BSDC1: variants seen among roughly 807,000 people sequenced by gnomAD.
BSDC1 encodes BSD domain containing 1.
A neutral mutation model predicts 56.0 loss-of-function variants in BSDC1; 29 were observed. The observed-to-expected ratio is 0.52, with a 90% CI of 0.39 to 0.71. The LOEUF (loss-of-function observed/expected upper bound fraction) is 0.71, where lower values mean the gene tolerates loss of function less well. Among genes scored for constraint, BSDC1 ranks in the 30% least tolerant of loss-of-function variants. The pLI, the probability that BSDC1 is intolerant of heterozygous loss-of-function variation, is 0.00. For synonymous variants in BSDC1, 210 were observed against 215.3 expected, an observed-to-expected ratio of 0.98 and a Z score of 0.21; for missense variants, 477 against 548.5, an observed-to-expected ratio of 0.87 and a Z score of 1.30.
rs1238152312 is a variant in BSDC1, at chr1:32,368,500, T to C, written c.1207A>G (p.Met403Val). The change falls in exon 10 of 11, where the codon ATG (methionine) becomes GTG (valine). Residue 403 changes from methionine (M) to valine (V), a missense_variant. Transcript: ENST00000455895. ...EDWEKDFDLD[M>V]TEEEVQMALS... ...GCCATCTGCACCTCCTCTTCAGTCATGTCCAAGTCAAAGTCTTTCTCCCAG... is the reference window on the plus strand; with the variant it reads ...GCCATCTGCACCTCCTCTTCAGTCACGTCCAAGTCAAAGTCTTTCTCCCAG... 4 of 1,614,152 alleles carry C rather than the reference T, an allele frequency of 2.5e-6. No homozygotes were observed. Among genetic ancestry groups the C allele is most frequent in the Non-Finnish European group, 8.5e-7 (1 of 1,180,020 alleles).
At chr1:32,377,111 G>A (rs193196309) in intron 8 of BSDC1, among the ~76,000 whole-genome samples, 30 of 152,246 alleles carry the variant, frequency 2.0e-4, no homozygotes, top group South Asian at 8.3e-4. Flanking sequence ...ACTCCAGCCT[G>A]GATGACAGAG....
intron 9 of BSDC1, among the ~76,000 whole-genome samples, chr1:32,370,934 A>T (rs753454875): frequency 7.2e-5 from 11 of 152,070 alleles, no homozygotes; most frequent in Non-Finnish European, 1.5e-4. Context: ...AAAAAGCCTA[A>T]AATATTTATG....
At chr1:32,383,378 C>T (rs910242852) in intron 4 of BSDC1, among the ~76,000 whole-genome samples, 6 of 150,886 alleles carry the variant, frequency 4.0e-5, no homozygotes, top group East Asian at 3.9e-4. Flanking sequence ...CCTGGAAAGT[C>T]GGGGCTGCAA....
chr1:32,388,864 C>T (rs1462754275), intron 2 of BSDC1, among the ~76,000 whole-genome samples: 1 of 152,172 alleles, frequency 6.6e-6, no homozygotes, highest in African/African-American at 2.4e-5. Context: ...CCTGTTCATC[C>T]TCAACGTCTA....
At chr1:32,375,016 A>G (rs1432343486) in intron 9 of BSDC1, among the ~76,000 whole-genome samples, 1 of 152,078 alleles carries the variant, frequency 6.6e-6, no homozygotes, top group Non-Finnish European at 1.5e-5. Context: ...GCCGGGCATG[A>G]TAGCATGCGC....
At chr1:32,366,750 C>T in intron 10 of BSDC1, 96 bp from the exon 11 acceptor site, 1 of 1,439,800 alleles carries the variant, frequency 6.9e-7, no homozygotes, top group South Asian at 1.5e-5. Flanking sequence ...AGCCACCTCC[C>T]ATCCCCTACC....
intron 8 of BSDC1, among the ~76,000 whole-genome samples, chr1:32,377,634 A>T (rs1012656804): frequency 6.6e-6 from 1 of 152,176 alleles, no homozygotes; most frequent in African/African-American, 2.4e-5. Context: ...TGTTTAAAAT[A>T]CATGTCTGGC....
At chr1:32,373,522 T>G (rs916085023) in intron 9 of BSDC1, among the ~76,000 whole-genome samples, 1 of 152,156 alleles carries the variant, frequency 6.6e-6, no homozygotes, top group African/African-American at 2.4e-5. Context: ...ATACTTTCTT[T>G]TCTTTCCTAT....
At chr1:32,376,781 C>T (rs766323434) in intron 8 of BSDC1, 40 bp from the exon 9 acceptor site, 4 of 1,332,786 alleles carry the variant, frequency 3.0e-6, no homozygotes, top group South Asian at 2.8e-5. Flanking sequence ...GGAAATGTAA[C>T]CTGGCCAGCC....
At chr1:32,384,117 G>A (rs956598633) in intron 3 of BSDC1, 120 bp from the exon 4 acceptor site, 51 of 1,391,418 alleles carry the variant, frequency 3.7e-5, no homozygotes, top group African/African-American at 8.5e-5. Context: ...AAGCGCTCAC[G>A]ACCCTTCACC....
At chr1:32,388,945 CTTCTTTTTT>C (rs951291351) in intron 2 of BSDC1, among the ~76,000 whole-genome samples, 6 of 151,462 alleles carry the variant, frequency 4.0e-5, no homozygotes, top group Non-Finnish European at 5.9e-5. Flanking sequence ...TTTATCTCTT[CTTCTTTTTT>C]TTCTTTTTTT....
rs1286233921 is a variant in BSDC1 at position 32,381,257 on chromosome 1, A to C, written c.369T>G (p.Tyr123Ter). 1 of 1,613,508 alleles carries C rather than the reference A, an allele frequency of 6.2e-7. No homozygotes were observed. The highest frequency in any genetic ancestry group is 8.5e-7 in the Non-Finnish European group (1 of 1,179,768). The change falls in exon 5 of 11, where the codon TAT becomes TAG. Residue 123 changes from tyrosine to a stop codon, truncating the protein, a stop_gained. Transcript: ENST00000455895. LOFTEE classifies it high-confidence loss of function. ...AGGTTGCTGGGTCCGACTGCAGGCT[A>C]TAGAGGCGAGCCTGTAAGAAAAGGA... Reference protein sequence around the residue: ...EPYDGTKARLYSLQSDPATYC... With the variant: ...EPYDGTKARL
At chr1:32,370,895 G>A (rs548829505) in intron 9 of BSDC1, among the ~76,000 whole-genome samples, 4 of 151,748 alleles carry the variant, frequency 2.6e-5, no homozygotes, top group South Asian at 2.1e-4. Context: ...CTGCAAGAGC[G>A]GAGATGAGTA....
Position 32,364,756 on chromosome 1 carries a change from C to A in BSDC1, c.*1866G>T, listed in dbSNP as rs1237034494. On this transcript the variant is annotated 3_prime_UTR_variant, in exon 11 of 11. Transcript: ENST00000455895. ...CCTGGCATGACAAGTGATTTTCATACTAAAGTTAATTAAAATAGACCCAAG... is the reference window on the plus strand; with the variant it reads ...CCTGGCATGACAAGTGATTTTCATAATAAAGTTAATTAAAATAGACCCAAG... Among the ~76,000 whole-genome samples the A allele has an allele frequency of 1.3e-5, 2 of 152,114 alleles. No individual in the cohort carries two copies. The highest frequency in any genetic ancestry group is 2.9e-5 in the Non-Finnish European group (2 of 68,020).
At chr1:32,386,640 C>A in intron 3 of BSDC1, 139 bp downstream of exon 3, 1 of 537,348 alleles carries the variant, frequency 1.9e-6, no homozygotes, top group East Asian at 3.3e-5. Context: ...AGACACAATT[C>A]TTTCAAAATG....
Position 32,394,157 on chromosome 1 carries a change from C to T in BSDC1, c.12-17G>A, listed in dbSNP as rs1201254001. On this transcript the variant is annotated splice_polypyrimidine_tract_variant and intron_variant, in intron 1 of 10. Transcript: ENST00000455895. ...ACGTCCTCCCTGTGGAAGACAGACACATCTGGCAGCACCGCGGTGCGATTC... is the reference window on the plus strand; with the variant it reads ...ACGTCCTCCCTGTGGAAGACAGACATATCTGGCAGCACCGCGGTGCGATTC... 2 of 1,605,584 alleles carry T rather than the reference C, an allele frequency of 1.2e-6. No individual in the cohort carries two copies. Among genetic ancestry groups the T allele is most frequent in the Non-Finnish European group, 1.7e-6 (2 of 1,176,216 alleles).
In BSDC1 at chr1:32,378,920, G is replaced by A. The variant is rs1642392071; in HGVS notation, c.413-81C>T. On this transcript the variant is annotated intron_variant, in intron 5 of 10. Coordinates refer to ENST00000455895, the MANE Select transcript of BSDC1 (RefSeq NM_018045.8). The surrounding 1 kb of genome is among the most constrained non-coding windows in gnomAD (Gnocchi z 5.2). Reference sequence around the variant, plus strand: ...GGCTTACAGAACATATCTAAGGCTGGACATGGAAAATGAAGAAAGCTTGTG... The same window carrying A: ...GGCTTACAGAACATATCTAAGGCTGAACATGGAAAATGAAGAAAGCTTGTG... 1 of 970,868 alleles carries A rather than the reference G, an allele frequency of 1.0e-6. No individual in the cohort carries two copies. The highest frequency in any genetic ancestry group is 3.8e-5 in the Admixed American group (1 of 26,436). The allele number at this position is 970,868 out of a possible 1,614,324, so 60.1% of individuals were successfully genotyped here. A position where few individuals can be genotyped will look rare whatever the true frequency, so the allele number is the denominator to read the frequency against.
In BSDC1 at chr1:32,368,434, C is replaced by G. The variant is rs750695563; in HGVS notation, c.1260+13G>C. 1 of 1,614,120 alleles carries G rather than the reference C, an allele frequency of 6.2e-7. No individual in the cohort carries two copies. The highest frequency in any genetic ancestry group is 1.1e-5 in the South Asian group (1 of 91,078). On this transcript the variant is annotated intron_variant, in intron 10 of 10. Transcript: ENST00000455895. ...TTAGGCTCGCTTCCCTCTGACCCAC[C>G]AGGCCCACTCACCTCCCCGGAGGCA...
At chr1:32,392,493 G>A (rs1362166831) in intron 2 of BSDC1, among the ~76,000 whole-genome samples, 11 of 151,906 alleles carry the variant, frequency 7.2e-5, no homozygotes, top group Admixed American at 7.2e-4. Context: ...GAAGACGGAA[G>A]GTTGGCCAAC....
Sources: gnomAD v4.1 joint callset for allele counts (sites outside exome capture counted in the v4.1 genomes callset) on GRCh38, gnomAD v4.1.1 for gene constraint, Gnocchi (gnomAD v3.1) non-coding constraint, MANE v1.5 for transcripts, NCBI Gene and HGNC (gene_info 2026-07-23, HGNC 2026-07-21) for gene names.